Variants in NYAP1 observed in about 807,000 individuals in gnomAD.
NYAP1 encodes the protein neuronal tyrosine phosphorylated phosphoinositide-3-kinase adaptor 1.
NYAP1 carries 20 observed loss-of-function variants against 58.6 expected under a neutral mutation model. The ratio of observed to expected loss-of-function variants is 0.34; its 90% CI spans 0.24 to 0.50. The LOEUF (loss-of-function observed/expected upper bound fraction) is 0.50. NYAP1 is among the 20% of genes least tolerant of loss of function. The pLI is 0.98. For missense variants in NYAP1, 1,150 were observed against 1,194.5 expected (o/e 0.96, Z 0.55); for synonymous variants, 572 against 523.1 (o/e 1.09, Z -1.27).
Position 100,485,253 on chromosome 7 carries a change from C to G in NYAP1, c.-59C>G. ...TGGATCCGGGACCCAGGGAGGGCCG[C>G]CCCCCGGGCCTGGTGGCACTGAGCA... On this transcript the variant is annotated 5_prime_UTR_variant, in exon 2 of 7. Transcript: ENST00000300179. This position sits in a 1 kb window ranked among gnomAD's most constrained non-coding sequence, Gnocchi z 5.7. The G allele has an allele frequency of 9.3e-7, 1 of 1,075,070 alleles. No homozygotes were observed. The allele number at this position is 1,075,070 out of a possible 1,614,324, so 66.6% of individuals were successfully genotyped here. A position where few individuals can be genotyped will look rare whatever the true frequency, so the allele number is the denominator to read the frequency against.
chr7:100,490,639 C>T lies in NYAP1; in HGVS notation c.2068C>T (p.Leu690=), dbSNP rs1222660441. Reference sequence around the variant, plus strand: ...GAGAAGCCAGGGGGCAGAGGGACTGCTGGCCAGGATCCACCATGGAGACCG... The same window carrying T: ...GAGAAGCCAGGGGGCAGAGGGACTGTTGGCCAGGATCCACCATGGAGACCG... The part of the protein sequence containing the change: ...PVRSQGAEGL[L]ARIHHGDRGG... Residue 690 remains leucine (L), a synonymous_variant, in exon 5 of 7, where the codon CTG becomes TTG. Coordinates refer to ENST00000300179, the MANE Select transcript of NYAP1 (RefSeq NM_173564.4). The surrounding 1 kb of genome is among the most constrained non-coding windows in gnomAD (Gnocchi z 4.6). 1 of 1,570,382 alleles carries T rather than the reference C, an allele frequency of 6.4e-7. No homozygotes were observed. The highest frequency in any genetic ancestry group is 1.9e-5 in the Admixed American group (1 of 52,440).
Position 100,489,537 on chromosome 7 carries a change from G to A in NYAP1, c.1816G>A (p.Ala606Thr). ...GGGTGCTTTTGCCAGCATCTCCTGT[G>A]CCCACGTCATCGCCAGCGCAGGGAC... ...DGGAFASISC[A>T]HVIASAGTPE... Residue 606 changes from alanine to threonine, a missense_variant, in exon 4 of 7, where the codon GCC becomes ACC. By Grantham distance (58) the Ala-to-Thr change is moderately conservative (BLOSUM62 0). Coordinates refer to ENST00000300179, the MANE Select transcript of NYAP1 (RefSeq NM_173564.4). 1.9e-6 allele frequency: 3 copies of A among 1,613,472 alleles called. No homozygotes were observed. Among genetic ancestry groups the A allele is most frequent in the Non-Finnish European group, 2.5e-6 (3 of 1,179,990 alleles).
rs776885960 is a variant in NYAP1 at position 100,493,849 on chromosome 7, C to T, written c.2472C>T (p.Ser824=). 3.2e-6 allele frequency: 5 copies of T among 1,551,922 alleles called. No homozygotes were observed. The African/African-American group carries it at 4.2e-5, about 13-fold the overall frequency. Residue 824 remains serine (S), a synonymous_variant, in exon 7 of 7, where the codon TCC becomes TCT. Transcript: ENST00000300179. ...SWRRGPEPRK[S]GTPPCRRQHT... is the part of the protein sequence containing the mutation. ...GGCGGGGACCCGAGCCCCGCAAGTC[C>T]GGCACCCCGCCCTGCCGCCGGCAGC... is the stretch of plus-strand genomic sequence containing the variant.
chr7:100,489,590 C>G lies in NYAP1; in HGVS notation c.1869C>G (p.Gly623=), dbSNP rs200996638. The change falls in exon 4 of 7, where the codon GGC becomes GGG. Residue 623 remains glycine (G), a synonymous_variant. Transcript: ENST00000300179. The part of the protein sequence containing the change: ...GTPEEEEEEV[G]AATFGAGWAL... ...CAGAGGAGGAAGAAGAGGAGGTGGG[C>G]GCCGCGACATTTGGGGCAGGCTGGG... 1 of 1,612,434 alleles carries G rather than the reference C, an allele frequency of 6.2e-7. No homozygotes were observed. The highest frequency in any genetic ancestry group is 8.5e-7 in the Non-Finnish European group (1 of 1,179,810).
chr7:100,485,461 C>T lies in NYAP1; in HGVS notation c.68+82C>T, dbSNP rs1006989772. The T allele has an allele frequency of 3.2e-5, 35 of 1,099,490 alleles. No individual in the cohort carries two copies. In the Admixed American group the frequency reaches 4.0e-4, roughly 12 times the overall value. 68.1% of individuals were successfully genotyped at this position (1,099,490 alleles called of 1,614,324 possible). A position where few individuals can be genotyped will look rare whatever the true frequency, so the allele number is the denominator to read the frequency against. ...CTGGGCCACAGCCCTTCTCGGGGGC[C>T]GGCAGCCTTGTCATGAGTGAGCTCT... On this transcript the variant is annotated intron_variant, in intron 2 of 6. Coordinates refer to ENST00000300179, the MANE Select transcript of NYAP1 (RefSeq NM_173564.4). This position sits in a 1 kb window ranked among gnomAD's most constrained non-coding sequence, Gnocchi z 5.7.
rs1584358288 is a variant in NYAP1, at chr7:100,486,541, G to A, written c.69-280G>A. On this transcript the variant is annotated intron_variant, in intron 2 of 6. Transcript: ENST00000300179. This position sits in a 1 kb window ranked among gnomAD's most constrained non-coding sequence, Gnocchi z 6.2. ...CCTCTGCACAAGGCTGTCCACACAGGTGCCCAGGCTGGGATCCGCCAGCCC... is the reference window on the plus strand; with the variant it reads ...CCTCTGCACAAGGCTGTCCACACAGATGCCCAGGCTGGGATCCGCCAGCCC... 6.6e-6 allele frequency among the ~76,000 whole-genome samples: 1 copy of A among 152,192 alleles called. No individual in the cohort carries two copies. The highest frequency in any genetic ancestry group is 1.9e-4 in the East Asian group (1 of 5,174).
chr7:100,489,016 G>A lies in NYAP1; in HGVS notation c.1295G>A (p.Cys432Tyr), dbSNP rs757114604. The A allele has an allele frequency of 6.4e-6, 10 of 1,563,814 alleles. No homozygotes were observed. Among genetic ancestry groups the A allele is most frequent in the Non-Finnish European group, 8.6e-6 (10 of 1,161,116 alleles). Residue 432 changes from cysteine (C) to tyrosine (Y), a missense_variant, in exon 4 of 7, where the codon TGC becomes TAC. Cys to Tyr is a radical substitution (Grantham distance 194). Transcript: ENST00000300179. ...RELPNSHSMI[C>Y]PKAAGAPAAP... ...CTCCCCAACTCCCACAGCATGATCT[G>A]CCCTAAGGCGGCGGGGGCGCCGGCA...
chr7:100,490,641 G>A lies in NYAP1; in HGVS notation c.2070G>A (p.Leu690=). 3 of 1,570,208 alleles carry A rather than the reference G, an allele frequency of 1.9e-6. No homozygotes were observed. The highest frequency in any genetic ancestry group is 2.6e-6 in the Non-Finnish European group (3 of 1,158,034). ...PVRSQGAEGL[L]ARIHHGDRGG... ...GAAGCCAGGGGGCAGAGGGACTGCTGGCCAGGATCCACCATGGAGACCGAG... is the reference window on the plus strand; with the variant it reads ...GAAGCCAGGGGGCAGAGGGACTGCTAGCCAGGATCCACCATGGAGACCGAG... The change falls in exon 5 of 7, where the codon CTG becomes CTA. Residue 690 remains leucine, a synonymous_variant. Transcript: ENST00000300179. The surrounding 1 kb of genome is among the most constrained non-coding windows in gnomAD (Gnocchi z 4.6).
At position 100,488,842 on chromosome 7, in the gene NYAP1, A is replaced by C. The variant is rs372128959; in HGVS notation, c.1121A>C (p.Gln374Pro). ...CCAGCCGGCTCCACCCCAGCTCCCC[A>C]AGTGCCTGCACGGGAGCGGGAGACG... ...KEPAGSTPAP[Q>P]VPARERETPP... The change falls in exon 4 of 7, where the codon CAA becomes CCA. Residue 374 changes from glutamine to proline, a missense_variant. By Grantham distance (76) the Gln-to-Pro change is moderately conservative. Transcript: ENST00000300179. The surrounding 1 kb of genome is among the most constrained non-coding windows in gnomAD (Gnocchi z 5.9). 58 of 1,593,028 alleles carry C rather than the reference A, an allele frequency of 3.6e-5. No homozygotes were observed. The highest frequency in any genetic ancestry group is 5.1e-6 in the Non-Finnish European group (6 of 1,171,434).
At position 100,494,122 on chromosome 7, in the gene NYAP1, T is replaced by G; in HGVS notation, c.*219T>G. On this transcript the variant is annotated 3_prime_UTR_variant, in exon 7 of 7. Coordinates refer to ENST00000300179, the MANE Select transcript of NYAP1 (RefSeq NM_173564.4). ...CTGAGAAACGGAGGAGGAGGAGGGT[T>G]TGCTTGAGGTTGGGGCGAGAGTCGC... 2.1e-6 allele frequency: 1 copy of G among 487,772 alleles called. No individual in the cohort carries two copies. The highest frequency in any genetic ancestry group is 3.5e-6 in the Non-Finnish European group (1 of 281,810). The allele number at this position is 487,772 out of a possible 1,614,324, so 30.2% of individuals were successfully genotyped here. A position where few individuals can be genotyped will look rare whatever the true frequency, so the allele number is the denominator to read the frequency against.
At chr7:100,484,700 G>GC (rs1469560075) in intron 1 of NYAP1, among the ~76,000 whole-genome samples, 1 of 152,096 alleles carries the variant, frequency 6.6e-6, no homozygotes, top group Non-Finnish European at 1.5e-5. Context: ...TGCAATGTAC[G>GC]CAAGTAGGCC....
At chr7:100,491,308 A>T (rs1448190622) in intron 6 of NYAP1, among the ~76,000 whole-genome samples, 1 of 151,916 alleles carries the variant, frequency 6.6e-6, no homozygotes, top group South Asian at 2.1e-4. Flanking sequence ...TCTTTTTTTT[A>T]AAAGAAGGCT....
In NYAP1 at chr7:100,489,558, G is replaced by T; in HGVS notation, c.1837G>T (p.Gly613Trp). The T allele has an allele frequency of 6.2e-7, 1 of 1,613,398 alleles. No homozygotes were observed. The highest frequency in any genetic ancestry group is 1.1e-5 in the South Asian group (1 of 91,068). The change falls in exon 4 of 7, where the codon GGG (glycine) becomes TGG (tryptophan). Residue 613 changes from glycine to tryptophan, a missense_variant. Coordinates refer to ENST00000300179, the MANE Select transcript of NYAP1 (RefSeq NM_173564.4). Reference sequence around the variant, plus strand: ...CTGTGCCCACGTCATCGCCAGCGCAGGGACACCAGAGGAGGAAGAAGAGGA... The same window carrying T: ...CTGTGCCCACGTCATCGCCAGCGCATGGACACCAGAGGAGGAAGAAGAGGA... ...ISCAHVIASA[G>W]TPEEEEEEVG...
At chr7:100,492,839 CA>C (rs1250036357) in intron 6 of NYAP1, among the ~76,000 whole-genome samples, 1 of 151,922 alleles carries the variant, frequency 6.6e-6, no homozygotes, top group Non-Finnish European at 1.5e-5. Flanking sequence ...GTGGAGGTTG[CA>C]GTGAGCCATG....
rs1799728582 is a variant in NYAP1 at position 100,487,851 on chromosome 7, A to G, written c.431-301A>G. Among the ~76,000 whole-genome samples the G allele has an allele frequency of 6.6e-6, 1 of 152,154 alleles. No individual in the cohort carries two copies. Among genetic ancestry groups the G allele is most frequent in the South Asian group, 2.1e-4 (1 of 4,832 alleles). ...AAGACCAAGGGCTGACTAGTAGAAA[A>G]GGAACCTACAGCTGGGCATGGTGGC... On this transcript the variant is annotated intron_variant, in intron 3 of 6. Transcript: ENST00000300179. The surrounding 1 kb of genome is among the most constrained non-coding windows in gnomAD (Gnocchi z 4.1).
chr7:100,487,151 TG>T lies in NYAP1; in HGVS notation c.403del (p.Ala135GlnfsTer68). On this transcript the variant is annotated frameshift_variant, in exon 3 of 7. Transcript: ENST00000300179. LOFTEE classifies it high-confidence loss of function. The surrounding 1 kb of genome is among the most constrained non-coding windows in gnomAD (Gnocchi z 4.1). ...TKLSMVGPGS[G>X]AETPPSKKAG... is the part of the protein sequence containing the mutation. Reference sequence around the variant, plus strand: ...AGCTCAGCATGGTGGGGCCTGGGTCTGGGGCAGAGACGCCCCCCAGCAAGAA... The same window carrying T: ...AGCTCAGCATGGTGGGGCCTGGGTCTGGGCAGAGACGCCCCCCAGCAAGAA... 6.6e-7 allele frequency: 1 copy of T among 1,511,874 alleles called. No individual in the cohort carries two copies. The highest frequency in any genetic ancestry group is 8.8e-7 in the Non-Finnish European group (1 of 1,132,346). 93.7% of individuals were successfully genotyped at this position (1,511,874 alleles called of 1,614,324 possible).
chr7:100,485,751 A>G lies in NYAP1; in HGVS notation c.68+372A>G, dbSNP rs1799694138. On this transcript the variant is annotated intron_variant, in intron 2 of 6. Coordinates refer to ENST00000300179, the MANE Select transcript of NYAP1 (RefSeq NM_173564.4). The surrounding 1 kb of genome is among the most constrained non-coding windows in gnomAD (Gnocchi z 5.7). ...TCTCCCAGGGTCTAGGGAAGGGGTC[A>G]TTTCAGGGGCATCAGAGAACATCCA... Among the ~76,000 whole-genome samples the G allele has an allele frequency of 6.6e-6, 1 of 152,122 alleles. No homozygotes were observed. Among genetic ancestry groups the G allele is most frequent in the South Asian group, 2.1e-4 (1 of 4,830 alleles).
rs1799749521 is a variant in NYAP1, at chr7:100,489,031, G to GGGCGCCGGC, written c.1311_1319dup (p.Ala440_Pro442dup). On this transcript the variant is annotated inframe_insertion, in exon 4 of 7. Coordinates refer to ENST00000300179, the MANE Select transcript of NYAP1 (RefSeq NM_173564.4). ...AGCATGATCTGCCCTAAGGCGGCGGGGGCGCCGGCAGCCCCCCCTGCCCCG... is the reference window on the plus strand; with the variant it reads ...AGCATGATCTGCCCTAAGGCGGCGGGGGCGCCGGCGGCGCCGGCAGCCCCCCCTGCCCCG... 1 of 1,548,576 alleles carries GGGCGCCGGC rather than the reference G, an allele frequency of 6.5e-7. No homozygotes were observed. The highest frequency in any genetic ancestry group is 8.7e-7 in the Non-Finnish European group (1 of 1,152,246).
chr7:100,486,849 T>C lies in NYAP1; in HGVS notation c.97T>C (p.Ser33Pro). The C allele has an allele frequency of 6.5e-7, 1 of 1,528,898 alleles. No individual in the cohort carries two copies. Among genetic ancestry groups the C allele is most frequent in the Non-Finnish European group, 8.8e-7 (1 of 1,142,856 alleles). The allele number at this position is 1,528,898 out of a possible 1,614,324, so 94.7% of individuals were successfully genotyped here. Residue 33 changes from serine (S) to proline (P), a missense_variant, in exon 3 of 7, where the codon TCG (serine) becomes CCG (proline). Physicochemically the swap from Ser to Pro is moderately conservative, Grantham distance 74. Transcript: ENST00000300179. The surrounding 1 kb of genome is among the most constrained non-coding windows in gnomAD (Gnocchi z 6.2). ...CAGTAAGGAGGTGGCCCCCGCTGGCTCGGCTGGGCCCGCGGCCGGCCAGGG... is the reference window on the plus strand; with the variant it reads ...CAGTAAGGAGGTGGCCCCCGCTGGCCCGGCTGGGCCCGCGGCCGGCCAGGG... ...SSSKEVAPAGSAGPAAGQGPG... is the reference protein window; with the variant it reads ...SSSKEVAPAGPAGPAAGQGPG...
Sources: allele counts gnomAD v4.1 joint callset (sites outside exome capture counted in the v4.1 genomes callset), GRCh38; gene constraint gnomAD v4.1.1; non-coding constraint Gnocchi (gnomAD v3.1); transcripts MANE v1.5; gene names NCBI Gene and HGNC (gene_info 2026-07-23, HGNC 2026-07-21).